The following PARD3B variants were observed in gnomAD, a reference collection of about 807,000 sequenced individuals.
The protein encoded by PARD3B is partitioning defective 3 homolog B.
Under a neutral mutation model 130.2 loss-of-function variants are expected in PARD3B, and 103 were observed. The observed-to-expected ratio is 0.79, with a 90% CI of 0.67 to 0.93. The LOEUF is 0.93. PARD3B is among the 40% of genes least tolerant of loss of function. PARD3B has a pLI of 0.00. For missense variants in PARD3B, 1,609 were observed against 1,499.2 expected, an observed-to-expected ratio of 1.07 and a Z score of -1.21; for synonymous variants, 583 against 553.2, an observed-to-expected ratio of 1.05 and a Z score of -0.76.
intron 21 of PARD3B, among the ~76,000 whole-genome samples, chr2:205,527,008 A>C (rs2051367694): frequency 1.3e-5 from 2 of 152,224 alleles, no homozygotes; most frequent in Non-Finnish European, 2.9e-5. Flanking sequence ...GCTTTTAGAC[A>C]GTGAAGAAGT....
chr2:204,895,637 AG>A (rs1228199451), intron 2 of PARD3B, among the ~76,000 whole-genome samples: 1 of 152,110 alleles, frequency 6.6e-6, no homozygotes, highest in African/African-American at 2.4e-5. Flanking sequence ...TTTCAAACTT[AG>A]TGAGCTCCCC....
At chr2:204,565,882 C>G (rs1158378279) in intron 1 of PARD3B, among the ~76,000 whole-genome samples, 4 of 152,182 alleles carry the variant, frequency 2.6e-5, no homozygotes, top group Non-Finnish European at 5.9e-5. Flanking sequence ...CAGTATGCGG[C>G]AGAATGCTTT....
intron 2 of PARD3B, among the ~76,000 whole-genome samples, chr2:204,731,995 G>C (rs1218802125): frequency 6.6e-6 from 1 of 151,732 alleles, no homozygotes; most frequent in Non-Finnish European, 1.5e-5. Flanking sequence ...AGTTCTTTCA[G>C]TCTTAATTTG....
rs189791852 is a variant in PARD3B, at chr2:205,128,702, T to A, written c.1434+2965T>A. 1.8e-3 allele frequency among the ~76,000 whole-genome samples: 279 copies of A among 152,344 alleles called. 1 individual carries two copies. The highest frequency in any genetic ancestry group is 6.3e-3 in the African/African-American group (262 of 41,580). ...TTTTTTTTTCTAATACATGACCATTTCTGTAGTAGTGTAAACACAATTCTA... is the reference window on the plus strand; with the variant it reads ...TTTTTTTTTCTAATACATGACCATTACTGTAGTAGTGTAAACACAATTCTA... On this transcript the variant is annotated intron_variant, in intron 10 of 22. Transcript: ENST00000406610. The surrounding 1 kb of genome is among the most constrained non-coding windows in gnomAD (Gnocchi z 4.5).
At chr2:205,296,871 CT>C (rs201830756) in intron 16 of PARD3B, among the ~76,000 whole-genome samples, 19 of 144,018 alleles carry the variant, frequency 1.3e-4, no homozygotes, top group African/African-American at 4.2e-4. Context: ...GCTATAACAT[CT>C]TTTTAAAAAA....
At chr2:204,851,770 G>A (rs541299637) in intron 2 of PARD3B, among the ~76,000 whole-genome samples, 9 of 150,582 alleles carry the variant, frequency 6.0e-5, no homozygotes, top group Non-Finnish European at 1.2e-4. Context: ...TCGGCTCACT[G>A]CAACCTCTGC....
In PARD3B at chr2:205,405,114, G is replaced by T. The variant is rs187050857; in HGVS notation, c.2741+3991G>T. Reference sequence around the variant, plus strand: ...TAGTTTATCTATAGCTACATGTACTGAAAAAGTCCAAAAAGCCATAAAAGA... The same window carrying T: ...TAGTTTATCTATAGCTACATGTACTTAAAAAGTCCAAAAAGCCATAAAAGA... On this transcript the variant is annotated intron_variant, in intron 19 of 22. Coordinates refer to ENST00000406610, the MANE Select transcript of PARD3B (RefSeq NM_001302769.2). This position sits in a 1 kb window ranked among gnomAD's most constrained non-coding sequence, Gnocchi z 4.1. Among the ~76,000 whole-genome samples, 485 of 152,094 alleles carry T rather than the reference G, an allele frequency of 3.2e-3. 5 individuals carry two copies. The highest frequency in any genetic ancestry group is 0.011 in the African/African-American group (457 of 41,478).
Position 205,028,011 on chromosome 2 carries a change from C to T in PARD3B, c.395-19570C>T, listed in dbSNP as rs1285172528. Among the ~76,000 whole-genome samples the T allele has an allele frequency of 2.6e-5, 4 of 151,974 alleles. No individual in the cohort carries two copies. In the East Asian group the frequency reaches 7.7e-4, roughly 29 times the overall value. On this transcript the variant is annotated intron_variant, in intron 3 of 22. Coordinates refer to ENST00000406610, the MANE Select transcript of PARD3B (RefSeq NM_001302769.2). ...AGTTTAAAATCAGGGTATGATGCCT[C>T]CAGCTTTGTTCTTTTTGCTCAAGAT...
chr2:204,766,291 T>C (rs16836592), intron 2 of PARD3B, among the ~76,000 whole-genome samples: 2,008 of 152,300 alleles, frequency 0.013, 52 homozygotes, highest in African/African-American at 0.046. Context: ...AAAATACATA[T>C]CAGTACTTAC....
chr2:204,902,496 C>T (rs2046898110), intron 2 of PARD3B, among the ~76,000 whole-genome samples: 1 of 151,876 alleles, frequency 6.6e-6, no homozygotes, highest in Non-Finnish European at 1.5e-5. Flanking sequence ...GGTGAGACCC[C>T]GTCTCTGCTA....
rs2044630235 is a variant in PARD3B, at chr2:205,366,882, T to G, written c.2631-34131T>G. ...CAGCAGCAATAACTGGGCCTAGCTTTTAGTTGCTGCCACAGATGTCCTAAG... is the reference window on the plus strand; with the variant it reads ...CAGCAGCAATAACTGGGCCTAGCTTGTAGTTGCTGCCACAGATGTCCTAAG... On this transcript the variant is annotated intron_variant, in intron 18 of 22. Coordinates refer to ENST00000406610, the MANE Select transcript of PARD3B (RefSeq NM_001302769.2). The surrounding 1 kb of genome is among the most constrained non-coding windows in gnomAD (Gnocchi z 5.0). 6.6e-6 allele frequency among the ~76,000 whole-genome samples: 1 copy of G among 152,208 alleles called. No individual in the cohort carries two copies. The highest frequency in any genetic ancestry group is 1.5e-5 in the Non-Finnish European group (1 of 68,030).
chr2:204,755,449 T>C (rs1274488566), intron 2 of PARD3B, among the ~76,000 whole-genome samples: 2 of 152,146 alleles, frequency 1.3e-5, no homozygotes, highest in African/African-American at 4.8e-5. Flanking sequence ...GAGAAGCTTG[T>C]CAACCAACCC....
intron 4 of PARD3B, among the ~76,000 whole-genome samples, chr2:205,082,799 A>G (rs926187571): frequency 6.6e-6 from 1 of 152,188 alleles, no homozygotes; most frequent in Admixed American, 6.5e-5. Flanking sequence ...CAGGCCAATA[A>G]ATTTGAAGCC....
rs974304093 is a variant in PARD3B at position 205,550,782 on chromosome 2, A to C, written c.3181-2542A>C. On this transcript the variant is annotated intron_variant, in intron 21 of 22. Coordinates refer to ENST00000406610, the MANE Select transcript of PARD3B (RefSeq NM_001302769.2). The surrounding 1 kb of genome is among the most constrained non-coding windows in gnomAD (Gnocchi z 4.5). Reference sequence around the variant, plus strand: ...TATATAAATACATATATGTATATACATGCAAATATACAAATATATGCATAT... The same window carrying C: ...TATATAAATACATATATGTATATACCTGCAAATATACAAATATATGCATAT... 6.6e-6 allele frequency among the ~76,000 whole-genome samples: 1 copy of C among 150,542 alleles called. No individual in the cohort carries two copies. The highest frequency in any genetic ancestry group is 6.7e-5 in the Admixed American group (1 of 15,016).
intron 4 of PARD3B, among the ~76,000 whole-genome samples, chr2:205,081,049 G>A (rs1701375988): frequency 6.6e-6 from 1 of 152,014 alleles, no homozygotes; most frequent in East Asian, 1.9e-4. Flanking sequence ...TCAAAAACAT[G>A]GGTTGTGGGT....
chr2:204,797,269 G>A (rs1396848201), intron 2 of PARD3B, among the ~76,000 whole-genome samples: 1 of 150,556 alleles, frequency 6.6e-6, no homozygotes, highest in Non-Finnish European at 1.5e-5. Context: ...TAACAACTTA[G>A]AATTATAACA....
intron 2 of PARD3B, among the ~76,000 whole-genome samples, chr2:204,932,860 T>A (rs1433934431): frequency 6.6e-6 from 1 of 152,200 alleles, no homozygotes; most frequent in African/African-American, 2.4e-5. Context: ...CTTACACTTG[T>A]TTGTCAGGTT....
intron 21 of PARD3B, among the ~76,000 whole-genome samples, chr2:205,514,805 T>A (rs2050724646): frequency 1.3e-5 from 2 of 149,646 alleles, no homozygotes; most frequent in Non-Finnish European, 3.0e-5. Flanking sequence ...TAACAAGTTT[T>A]TATGTTTTTA....
chr2:205,573,559 A>G (rs929345596), intron 22 of PARD3B, among the ~76,000 whole-genome samples: 2 of 152,228 alleles, frequency 1.3e-5, no homozygotes, highest in Admixed American at 6.5e-5. Context: ...TTAAGACTAC[A>G]TAATTCCTAG....
Sources: gnomAD v4.1 joint callset for allele counts (sites outside exome capture counted in the v4.1 genomes callset) on GRCh38, gnomAD v4.1.1 for gene constraint, Gnocchi (gnomAD v3.1) non-coding constraint, MANE v1.5 for transcripts, NCBI Gene and HGNC (gene_info 2026-07-23, HGNC 2026-07-21) for gene names.